UBA7: variants seen among roughly 807,000 people sequenced by gnomAD.
UBA7 encodes ubiquitin-like modifier-activating enzyme 7.
A neutral mutation model predicts 113.0 loss-of-function variants in UBA7; 88 were observed. The observed-to-expected ratio is 0.78, with a 90% confidence interval of 0.66 to 0.93. The LOEUF (loss-of-function observed/expected upper bound fraction) is 0.93, where lower values mean the gene tolerates loss of function less well. Among genes scored for constraint, UBA7 ranks in the 40% least tolerant of loss-of-function variants. The probability of loss-of-function intolerance (pLI) is 0.00; values close to 1 mark genes in which losing one functional copy is unlikely to be tolerated. For missense variants in UBA7, 1,092 were observed against 1,266.4 expected, an observed-to-expected ratio of 0.86 and a Z score of 2.09; for synonymous variants, 459 against 513.0, an observed-to-expected ratio of 0.89 and a Z score of 1.42.
rs2081511792 is a variant in UBA7 at position 49,809,729 on chromosome 3, C to G, written c.1905-4G>C. 6.2e-7 allele frequency: 1 copy of G among 1,613,968 alleles called. No individual in the cohort carries two copies. The highest frequency in any genetic ancestry group is 8.5e-7 in the Non-Finnish European group (1 of 1,180,046). On this transcript the variant is annotated splice_polypyrimidine_tract_variant and splice_region_variant and intron_variant, in intron 15 of 23. Coordinates refer to ENST00000333486, the MANE Select transcript of UBA7 (RefSeq NM_003335.3). ...GTCTGCCAGGGAAGTGTGTGCCCTG[C>G]AGAGAGAGGAGGAAGTGTGAGACTG...
intron 3 of UBA7, 27 bp from the exon 4 acceptor site, chr3:49,813,195 C>T (rs368998082): frequency 6.2e-7 from 1 of 1,613,408 alleles, no homozygotes; most frequent in Non-Finnish European, 8.5e-7. Flanking sequence ...ATCAGCAGGG[C>T]CAAAACCATT....
In UBA7 at chr3:49,805,961, C is replaced by G. The variant is rs371953058; in HGVS notation, c.2845G>C (p.Gly949Arg). Residue 949 changes from glycine (G) to arginine (R), a missense_variant, in exon 23 of 24, where the codon GGC becomes CGC. Physicochemically the swap from Gly to Arg is moderately radical, Grantham distance 125. Around this residue, in one of 3 missense-constraint regions of UBA7, gnomAD observed 500 missense variants for 529.3 expected, o/e 0.94. Transcript: ENST00000333486. Reference sequence around the variant, plus strand: ...CCGGCCGCATAGAGCAGGGCTGAGCCGTGCAGCAGGATCCTCACCCTCAAC... The same window carrying G: ...CCGGCCGCATAGAGCAGGGCTGAGCGGTGCAGCAGGATCCTCACCCTCAAC... Reference protein sequence around the residue: ...HGLRVRILLHGSALLYAAGWS... With the variant: ...HGLRVRILLHRSALLYAAGWS... 1.5e-5 allele frequency: 24 copies of G among 1,566,212 alleles called. No individual in the cohort carries two copies. Among genetic ancestry groups the G allele is most frequent in the Non-Finnish European group, 2.1e-5 (24 of 1,155,420 alleles).
chr3:49,809,462 C>T lies in UBA7; in HGVS notation c.2091G>A (p.Val697=), dbSNP rs776219336. The change falls in exon 17 of 24, where the codon GTG becomes GTA. Residue 697 remains valine (V), a splice_region_variant and synonymous_variant. Coordinates refer to ENST00000333486, the MANE Select transcript of UBA7 (RefSeq NM_003335.3). ...QLLRHFPPNK[V]LEDGTPFWSG... ...ACCAGAAGGGAGTTCCATCCTCAAG[C>T]ACCTAGGTAGGTAAGTAGAAGCTGC... The T allele has an allele frequency of 3.1e-6, 5 of 1,614,164 alleles. No homozygotes were observed. Among genetic ancestry groups the T allele is most frequent in the Non-Finnish European group, 3.4e-6 (4 of 1,180,002 alleles).
chr3:49,813,180 C>T lies in UBA7; in HGVS notation c.361-12G>A, dbSNP rs374894891. On this transcript the variant is annotated splice_polypyrimidine_tract_variant and intron_variant, in intron 3 of 23. Coordinates refer to ENST00000333486, the MANE Select transcript of UBA7 (RefSeq NM_003335.3). ...GTCAGCACCACCACCTGGGTGGACACAGTGATCAGCAGGGCCAAAACCATT... is the reference window on the plus strand; with the variant it reads ...GTCAGCACCACCACCTGGGTGGACATAGTGATCAGCAGGGCCAAAACCATT... The T allele has an allele frequency of 1.4e-5, 22 of 1,613,636 alleles. No homozygotes were observed. The highest frequency in any genetic ancestry group is 3.3e-4 in the Middle Eastern group (2 of 6,078).
In UBA7 at chr3:49,807,840, C is replaced by G. The variant is rs2081479692; in HGVS notation, c.2611G>C (p.Val871Leu). The change falls in exon 21 of 24, where the codon GTG becomes CTG. Residue 871 changes from valine to leucine, a missense_variant. Around this residue, in one of 3 missense-constraint regions of UBA7, gnomAD observed 500 missense variants for 529.3 expected, o/e 0.94. Coordinates refer to ENST00000333486, the MANE Select transcript of UBA7 (RefSeq NM_003335.3). This position sits in a 1 kb window ranked among gnomAD's most constrained non-coding sequence, Gnocchi z 4.0. Reference sequence around the variant, plus strand: ...CTACGAGGCCGTGGCCCACTCACCACCTTATACAGCTCCAGGCCCAACAGG... The same window carrying G: ...CTACGAGGCCGTGGCCCACTCACCAGCTTATACAGCTCCAGGCCCAACAGG... ...AGLLGLELYK[V>L]VSGPRPRSAF... The G allele has an allele frequency of 6.2e-7, 1 of 1,613,986 alleles. No homozygotes were observed. The highest frequency in any genetic ancestry group is 1.3e-5 in the African/African-American group (1 of 74,916).
intron 18 of UBA7, among the ~76,000 whole-genome samples, 164 bp from the exon 19 acceptor site, chr3:49,808,632 C>T (rs750949798): frequency 9.9e-5 from 15 of 152,210 alleles, no homozygotes; most frequent in Non-Finnish European, 1.8e-4. Context: ...TCTAGAAGCC[C>T]CAGTCTTCAC....
In UBA7 at chr3:49,809,992, C is replaced by A; in HGVS notation, c.1825G>T (p.Glu609Ter). 1 of 1,613,726 alleles carries A rather than the reference C, an allele frequency of 6.2e-7. No individual in the cohort carries two copies. The highest frequency in any genetic ancestry group is 8.5e-7 in the Non-Finnish European group (1 of 1,179,874). The change falls in exon 14 of 24, where the codon GAG becomes TAG. Residue 609 changes from glutamate to a stop codon, truncating the protein, a stop_gained. Coordinates refer to ENST00000333486, the MANE Select transcript of UBA7 (RefSeq NM_003335.3). LOFTEE classifies it high-confidence loss of function. Reference protein sequence around the residue: ...CTVRYFPSTAEHTLQWARHEF... With the variant: ...CTVRYFPSTA ...GTGCTTCCTACCTGCAGGGTGTGCT[C>A]GGCTGTGCTAGGGAAGTACCGCACG...
chr3:49,811,915 G>C lies in UBA7; in HGVS notation c.894C>G (p.His298Gln), dbSNP rs750983993. The stretch of plus-strand genomic sequence containing the variant: ...GCCGGCCATGGAGGTGCTGGAACTT[G>C]TGCAGTGCACAGAAGGCCTGATGCA... ...HCLHQAFCALHKFQHLHGRPP... is the reference protein window; with the variant it reads ...HCLHQAFCALQKFQHLHGRPP... The change falls in exon 8 of 24, where the codon CAC (histidine) becomes CAG (glutamine). Residue 298 changes from histidine (H) to glutamine (Q), a missense_variant. His to Gln is a conservative substitution (Grantham distance 24). Transcript: ENST00000333486. 1 of 1,614,080 alleles carries C rather than the reference G, an allele frequency of 6.2e-7. No individual in the cohort carries two copies. Among genetic ancestry groups the C allele is most frequent in the African/African-American group, 1.3e-5 (1 of 74,938 alleles).
rs1359768978 is a variant in UBA7, at chr3:49,810,791, A to G, written c.1272T>C (p.Ala424=). 2 of 1,614,134 alleles carry G rather than the reference A, an allele frequency of 1.2e-6. No individual in the cohort carries two copies. The highest frequency in any genetic ancestry group is 4.5e-5 in the East Asian group (2 of 44,882). ...RYDGQIAVFG[A]GFQEKLRRQH... ...GGCGTCTCAGTTTCTCCTGAAAACC[A>G]GCCCCAAACACTGCAATTTGCCCAT... Residue 424 remains alanine, a synonymous_variant, in exon 11 of 24, where the codon GCT becomes GCC. Transcript: ENST00000333486. The surrounding 1 kb of genome is among the most constrained non-coding windows in gnomAD (Gnocchi z 5.6).
Position 49,809,741 on chromosome 3 carries a change from G to A in UBA7, c.1905-16C>T, listed in dbSNP as rs2081512224. ...AGTGTGTGCCCTGCAGAGAGAGGAG[G>A]AAGTGTGAGACTGAGTCCTGCAGAC... On this transcript the variant is annotated splice_polypyrimidine_tract_variant and intron_variant, in intron 15 of 23. Coordinates refer to ENST00000333486, the MANE Select transcript of UBA7 (RefSeq NM_003335.3). 6.2e-7 allele frequency: 1 copy of A among 1,614,112 alleles called. No homozygotes were observed. The highest frequency in any genetic ancestry group is 8.5e-7 in the Non-Finnish European group (1 of 1,180,026).
rs2081553797 is a variant in UBA7 at position 49,811,902 on chromosome 3, G to A, written c.907C>T (p.Leu303Phe). The A allele has an allele frequency of 1.9e-6, 3 of 1,614,000 alleles. No homozygotes were observed. Among genetic ancestry groups the A allele is most frequent in the South Asian group, 2.2e-5 (2 of 91,084 alleles). Reference protein sequence around the residue: ...AFCALHKFQHLHGRPPQPWDP... With the variant: ...AFCALHKFQHFHGRPPQPWDP... ...CAGGGCTGGGGTGGCCGGCCATGGA[G>A]GTGCTGGAACTTGTGCAGTGCACAG... Residue 303 changes from leucine to phenylalanine, a missense_variant, in exon 8 of 24, where the codon CTC becomes TTC. Around this residue, in one of 3 missense-constraint regions of UBA7, gnomAD observed 584 missense variants for 714.5 expected, o/e 0.82. Transcript: ENST00000333486.
chr3:49,809,166 C>G lies in UBA7; in HGVS notation c.2164-7G>C. 6.2e-6 allele frequency: 10 copies of G among 1,605,754 alleles called. No homozygotes were observed. Among genetic ancestry groups the G allele is most frequent in the Non-Finnish European group, 8.5e-6 (10 of 1,175,460 alleles). On this transcript the variant is annotated splice_region_variant and splice_polypyrimidine_tract_variant and intron_variant, in intron 17 of 23. Coordinates refer to ENST00000333486, the MANE Select transcript of UBA7 (RefSeq NM_003335.3). Reference sequence around the variant, plus strand: ...CGTAGAGGAGGTGTGTGTCCTGCAGCCAGACCAAGAGCAGGAACAGAGGCA... The same window carrying G: ...CGTAGAGGAGGTGTGTGTCCTGCAGGCAGACCAAGAGCAGGAACAGAGGCA...
chr3:49,813,892 C>T lies in UBA7; in HGVS notation c.-105G>A, dbSNP rs990052067. On this transcript the variant is annotated 5_prime_UTR_variant, in exon 1 of 24. Transcript: ENST00000333486. ...AGTGCCCTGCTGTAGCCAGTGCAAA[C>T]AGGAACCAAGGCCAAGCGAATAAGG... 2.9e-6 allele frequency: 4 copies of T among 1,375,164 alleles called. No homozygotes were observed. The highest frequency in any genetic ancestry group is 1.4e-5 in the African/African-American group (1 of 69,440). 85.2% of individuals were successfully genotyped at this position (1,375,164 alleles called of 1,614,324 possible).
At chr3:49,808,325 G>C in intron 19 of UBA7, 61 bp downstream of exon 19, 1 of 1,603,406 alleles carries the variant, frequency 6.2e-7, no homozygotes, top group Admixed American at 1.7e-5. Context: ...TACCTTATTA[G>C]CTCCTGACCT....
rs1220013494 is a variant in UBA7 at position 49,809,415 on chromosome 3, T to C, written c.2138A>G (p.Gln713Arg). The change falls in exon 17 of 24, where the codon CAG (glutamine) becomes CGG (arginine). Residue 713 changes from glutamine to arginine, a missense_variant. This residue lies in a region of UBA7 where 500 missense variants were observed against 529.3 expected (regional missense o/e 0.94). Transcript: ENST00000333486. ...PFWSGPKQCP[Q>R]PLEFDTNQDT... is the part of the protein sequence containing the mutation. Reference sequence around the variant, plus strand: ...TTGGTTGGTGTCAAACTCCAAGGGCTGGGGACACTGTTTGGGACCTGACCA... The same window carrying C: ...TTGGTTGGTGTCAAACTCCAAGGGCCGGGGACACTGTTTGGGACCTGACCA... The C allele has an allele frequency of 6.2e-7, 1 of 1,614,064 alleles. No homozygotes were observed. Among genetic ancestry groups the C allele is most frequent in the African/African-American group, 1.3e-5 (1 of 74,932 alleles).
chr3:49,808,170 C>T (rs2081486862), intron 19 of UBA7, 58 bp from the exon 20 acceptor site: 1 of 1,586,606 alleles, frequency 6.3e-7, no homozygotes, highest in Admixed American at 1.8e-5. Context: ...CACCGTGGCC[C>T]ACTGCGTGTC....
At chr3:49,811,773 G>A in intron 8 of UBA7, 97 bp downstream of exon 8, 2 of 1,562,594 alleles carry the variant, frequency 1.3e-6, no homozygotes, top group South Asian at 1.2e-5. Context: ...AGTGTTGGGA[G>A]ATCAGACTTG....
chr3:49,809,792 T>A, intron 15 of UBA7, 23 bp downstream of exon 15: 1 of 1,614,126 alleles, frequency 6.2e-7, no homozygotes, highest in Non-Finnish European at 8.5e-7. Flanking sequence ...TGGACTCCCA[T>A]CTGCCTCTGT....
Position 49,813,176 on chromosome 3 carries a change from G to T in UBA7, c.361-8C>A, listed in dbSNP as rs2081576696. The T allele has an allele frequency of 3.7e-6, 6 of 1,613,788 alleles. No individual in the cohort carries two copies. The highest frequency in any genetic ancestry group is 1.3e-5 in the African/African-American group (1 of 74,942). On this transcript the variant is annotated splice_polypyrimidine_tract_variant and splice_region_variant and intron_variant, in intron 3 of 23. Transcript: ENST00000333486. ...AGCAGTCAGCACCACCACCTGGGTG[G>T]ACACAGTGATCAGCAGGGCCAAAAC... is the stretch of plus-strand genomic sequence containing the variant.
Sources: allele counts gnomAD v4.1 joint callset (sites outside exome capture counted in the v4.1 genomes callset), GRCh38; gene constraint gnomAD v4.1.1; regional missense constraint gnomAD v4.1.1; non-coding constraint Gnocchi (gnomAD v3.1); transcripts MANE v1.5; gene names NCBI Gene and HGNC (gene_info 2026-07-23, HGNC 2026-07-21).